Variants in PTPRG observed in about 807,000 individuals in gnomAD.
PTPRG encodes the protein protein tyrosine phosphatase receptor type G, also known as receptor-type tyrosine-protein phosphatase gamma.
A neutral mutation model predicts 165.3 loss-of-function variants in PTPRG; 102 were observed. The observed-to-expected ratio is 0.62, with a 90% CI of 0.53 to 0.73. The LOEUF (loss-of-function observed/expected upper bound fraction) is 0.73, where lower values mean the gene tolerates loss of function less well. Ranked by LOEUF, PTPRG falls within the 30% of genes least tolerant of loss-of-function variation. The pLI is 0.00. For missense variants in PTPRG, 1,866 were observed against 1,861.4 expected (o/e 1.00, Z -0.05); for synonymous variants, 675 against 669.5 (o/e 1.01, Z -0.13).
intron 4 of PTPRG, among the ~76,000 whole-genome samples, chr3:62,040,048 A>G (rs1408447465): frequency 6.6e-6 from 1 of 152,268 alleles, no homozygotes; most frequent in Admixed American, 6.5e-5. Context: ...TCCAGCCGAC[A>G]ACCAGCTCTA....
chr3:62,003,290 A>G (rs968592533), intron 3 of PTPRG, 59 bp from the exon 4 acceptor site: 2 of 1,553,012 alleles, frequency 1.3e-6, no homozygotes, highest in African/African-American at 2.7e-5. Context: ...GTAACAGAAA[A>G]ACTCCATTTG....
chr3:61,869,567 C>T (rs1045854865), intron 2 of PTPRG, among the ~76,000 whole-genome samples: 2 of 151,782 alleles, frequency 1.3e-5, no homozygotes, highest in South Asian at 2.1e-4. Flanking sequence ...CCCTCCCCTC[C>T]CCTCCCCTCC....
chr3:62,059,066 T>A (rs1269913564), intron 4 of PTPRG, among the ~76,000 whole-genome samples: 1 of 152,202 alleles, frequency 6.6e-6, no homozygotes, highest in Non-Finnish European at 1.5e-5. Flanking sequence ...GCACAGATTG[T>A]AGAGTCACTG....
At chr3:61,836,802 T>G (rs1402161772) in intron 2 of PTPRG, among the ~76,000 whole-genome samples, 1 of 152,094 alleles carries the variant, frequency 6.6e-6, no homozygotes, top group Non-Finnish European at 1.5e-5. Context: ...TGGAGTGCAA[T>G]GGCACAATCT....
In PTPRG at chr3:61,908,486, T is replaced by C. The variant is rs1181480722; in HGVS notation, c.191-81139T>C. Among the ~76,000 whole-genome samples the C allele has an allele frequency of 5.9e-5, 9 of 151,714 alleles. No homozygotes were observed. The South Asian group carries it at 1.2e-3, about 21-fold the overall frequency. On this transcript the variant is annotated intron_variant, in intron 2 of 29. Coordinates refer to ENST00000474889, the MANE Select transcript of PTPRG (RefSeq NM_002841.4). The stretch of plus-strand genomic sequence containing the variant: ...TTGTGAAATATATATTGGGAGGTCA[T>C]TGGCTGCATTTGGCCACAGTTCCAC...
intron 1 of PTPRG, among the ~76,000 whole-genome samples, chr3:61,648,042 G>A (rs1702251886): frequency 6.6e-6 from 1 of 152,032 alleles, no homozygotes; most frequent in Admixed American, 6.5e-5. Flanking sequence ...TATGCCTGAA[G>A]CCCAAGACAG....
intron 2 of PTPRG, among the ~76,000 whole-genome samples, chr3:61,901,759 G>A (rs1197848324): frequency 6.6e-6 from 1 of 151,970 alleles, no homozygotes; most frequent in East Asian, 1.9e-4. Flanking sequence ...CTGCTCCTGG[G>A]GTCTGAACCA....
intron 1 of PTPRG, among the ~76,000 whole-genome samples, chr3:61,688,821 T>C (rs1473253325): frequency 1.3e-5 from 2 of 152,206 alleles, no homozygotes; most frequent in Non-Finnish European, 2.9e-5. Context: ...TGGGTTGCCT[T>C]GTGTGAGCCT....
chr3:61,622,231 G>A (rs190790875), intron 1 of PTPRG, among the ~76,000 whole-genome samples: 11 of 152,106 alleles, frequency 7.2e-5, no homozygotes, highest in Non-Finnish European at 1.3e-4. Flanking sequence ...CTAATTTTTA[G>A]TTGTCAGGTA....
chr3:61,785,757 A>G (rs1255352939), intron 2 of PTPRG, among the ~76,000 whole-genome samples: 3 of 152,236 alleles, frequency 2.0e-5, no homozygotes, highest in South Asian at 2.1e-4. Context: ...CACATTGACA[A>G]CAATAGAGAA....
intron 1 of PTPRG, among the ~76,000 whole-genome samples, chr3:61,632,417 G>C (rs1701794930): frequency 6.6e-6 from 1 of 152,224 alleles, no homozygotes; most frequent in African/African-American, 2.4e-5. Flanking sequence ...ATGAAAGCAG[G>C]TTGACAGATA....
intron 4 of PTPRG, among the ~76,000 whole-genome samples, chr3:62,034,536 A>G (rs575798235): frequency 3.7e-4 from 57 of 152,290 alleles, no homozygotes; most frequent in Non-Finnish European, 6.3e-4. Context: ...TGTTGGTAGA[A>G]TGTCTTTCAA....
intron 2 of PTPRG, among the ~76,000 whole-genome samples, chr3:61,954,299 G>C (rs1287293176): frequency 6.6e-6 from 1 of 152,160 alleles, no homozygotes; most frequent in Non-Finnish European, 1.5e-5. Context: ...GCTGGGAAAT[G>C]TGTTAGTGGT....
chr3:62,097,244 G>C (rs919339346), intron 5 of PTPRG, among the ~76,000 whole-genome samples: 1 of 152,162 alleles, frequency 6.6e-6, no homozygotes, highest in Non-Finnish European at 1.5e-5. Flanking sequence ...AGTTCCTTCA[G>C]ATCTTGCTCA....
At chr3:61,999,930 A>C (rs550643816) in intron 3 of PTPRG, among the ~76,000 whole-genome samples, 1 of 152,204 alleles carries the variant, frequency 6.6e-6, no homozygotes, top group Non-Finnish European at 1.5e-5. Flanking sequence ...AAAGATAGAA[A>C]TAATTCAGAA....
At chr3:61,816,368 A>G (rs967979837) in intron 2 of PTPRG, among the ~76,000 whole-genome samples, 3 of 152,112 alleles carry the variant, frequency 2.0e-5, no homozygotes, top group Non-Finnish European at 4.4e-5. Flanking sequence ...CATCTCTGCT[A>G]AAAATACAAA....
intron 6 of PTPRG, among the ~76,000 whole-genome samples, chr3:62,152,290 T>C (rs918763664): frequency 1.3e-5 from 2 of 152,074 alleles, no homozygotes; most frequent in Non-Finnish European, 2.9e-5. Flanking sequence ...GAGGATTGCT[T>C]GAGCCCAGGA....
intron 13 of PTPRG, among the ~76,000 whole-genome samples, chr3:62,223,607 A>G (rs544260863): frequency 3.3e-5 from 5 of 152,308 alleles, no homozygotes; most frequent in Admixed American, 2.0e-4. Context: ...TCTGCAAAAT[A>G]TAGTTAAGAA....
At chr3:62,242,131 G>C (rs949092370) in intron 14 of PTPRG, among the ~76,000 whole-genome samples, 1 of 152,176 alleles carries the variant, frequency 6.6e-6, no homozygotes, top group Non-Finnish European at 1.5e-5. Flanking sequence ...GTTTCACATA[G>C]ATTTCCATTG....
Sources: allele counts gnomAD v4.1 joint callset (sites outside exome capture counted in the v4.1 genomes callset), GRCh38; gene constraint gnomAD v4.1.1; transcripts MANE v1.5; gene names NCBI Gene and HGNC (gene_info 2026-07-23, HGNC 2026-07-21).